Variants in CAMTA1 observed in about 807,000 individuals in gnomAD.
CAMTA1 encodes calmodulin-binding transcription activator 1.
In CAMTA1, 27 loss-of-function variants were observed where a neutral mutation model predicts 170.9. The observed-to-expected ratio is 0.16, with a 90% CI of 0.12 to 0.22. The LOEUF (loss-of-function observed/expected upper bound fraction) is 0.22. CAMTA1 is among the 10% of genes least tolerant of loss of function. CAMTA1 has a pLI of 1.00. For missense variants in CAMTA1, 1,619 were observed against 2,217.2 expected, an observed-to-expected ratio of 0.73 and a Z score of 5.42; for synonymous variants, 833 against 891.5, an observed-to-expected ratio of 0.93 and a Z score of 1.17.
At chr1:6,968,533 A>C (rs1004051625) in intron 3 of CAMTA1, among the ~76,000 whole-genome samples, 1 of 152,098 alleles carries the variant, frequency 6.6e-6, no homozygotes, top group African/African-American at 2.4e-5. Flanking sequence ...TGGGCAGTGC[A>C]TATGGTCCTT....
At chr1:7,312,751 CTTTA>C (rs1037871662) in intron 5 of CAMTA1, among the ~76,000 whole-genome samples, 85 of 152,230 alleles carry the variant, frequency 5.6e-4, no homozygotes, top group African/African-American at 2.0e-3. Context: ...TCTTTGATGG[CTTTA>C]TTTATTTATT....
chr1:7,095,043 C>T (rs914267773), intron 4 of CAMTA1, among the ~76,000 whole-genome samples: 3 of 152,022 alleles, frequency 2.0e-5, no homozygotes, highest in Non-Finnish European at 2.9e-5. Flanking sequence ...AGTTTAGTCT[C>T]ACCCCCACCC....
At chr1:6,915,591 G>A (rs1680605740) in intron 3 of CAMTA1, among the ~76,000 whole-genome samples, 1 of 152,318 alleles carries the variant, frequency 6.6e-6, no homozygotes, top group South Asian at 2.1e-4. Context: ...AGTGGACAAC[G>A]TGGTCTAGAA....
chr1:6,978,689 T>TAC (rs2149628302), intron 3 of CAMTA1, among the ~76,000 whole-genome samples: 1 of 149,932 alleles, frequency 6.7e-6, no homozygotes. Flanking sequence ...ATATTATAGA[T>TAC]ATATATATAT....
At chr1:6,884,842 G>T (rs1307153226) in intron 3 of CAMTA1, among the ~76,000 whole-genome samples, 1 of 152,234 alleles carries the variant, frequency 6.6e-6, no homozygotes, top group Non-Finnish European at 1.5e-5. Flanking sequence ...CTAGGAGCAT[G>T]TAGAGACTCT....
chr1:6,807,203 C>T (rs1366208539), intron 1 of CAMTA1: 6 of 445,252 alleles, frequency 1.3e-5, no homozygotes, highest in African/African-American at 3.9e-5. Context: ...GAGAAAAGTT[C>T]CAGGTAATTG....
intron 3 of CAMTA1, among the ~76,000 whole-genome samples, chr1:6,891,443 T>C (rs1216529465): frequency 6.6e-6 from 1 of 152,242 alleles, no homozygotes; most frequent in Non-Finnish European, 1.5e-5. Context: ...TGGTTTTAGC[T>C]TGCCCTGTGT....
intron 10 of CAMTA1, 114 bp from the exon 11 acceptor site, chr1:7,677,485 C>G: frequency 8.3e-7 from 1 of 1,202,406 alleles, no homozygotes; most frequent in Non-Finnish European, 1.2e-6. Context: ...TTAAGGAGAG[C>G]TGGACATTAA....
At chr1:7,432,275 A>G (rs2092195718) in intron 5 of CAMTA1, among the ~76,000 whole-genome samples, 1 of 152,164 alleles carries the variant, frequency 6.6e-6, no homozygotes, top group Non-Finnish European at 1.5e-5. Context: ...ACCCAGAAAC[A>G]GGCCCAGAGA....
intron 3 of CAMTA1, among the ~76,000 whole-genome samples, chr1:7,037,906 G>A (rs867872933): frequency 1.4e-5 from 2 of 138,530 alleles, no homozygotes; most frequent in South Asian, 4.7e-4. Flanking sequence ...ATATATATTG[G>A]TTTGATCTTT....
rs574241106 is a variant in CAMTA1 at position 6,962,185 on chromosome 1, G to A, written c.235-129119G>A. ...GTGCTCCGAGTGCCAGATACATGGT[G>A]GACCCCGACAAGGCACGCAGGTCTC... is the stretch of plus-strand genomic sequence containing the variant. On this transcript the variant is annotated intron_variant, in intron 3 of 22. Transcript: ENST00000303635. 3.9e-5 allele frequency among the ~76,000 whole-genome samples: 6 copies of A among 152,326 alleles called. No homozygotes were observed. In the South Asian group the frequency reaches 8.3e-4, roughly 21 times the overall value.
chr1:7,347,309 C>T (rs2084296846), intron 5 of CAMTA1, among the ~76,000 whole-genome samples: 2 of 152,182 alleles, frequency 1.3e-5, no homozygotes, highest in African/African-American at 4.8e-5. Context: ...AAAGGAGAGC[C>T]AAGCTCCGGA....
At chr1:7,363,037 G>A (rs140370667) in intron 5 of CAMTA1, among the ~76,000 whole-genome samples, 2 of 152,330 alleles carry the variant, frequency 1.3e-5, no homozygotes, top group Non-Finnish European at 2.9e-5. Flanking sequence ...CTTCTAGCTC[G>A]CAGAGGTGCT....
intron 6 of CAMTA1, among the ~76,000 whole-genome samples, chr1:7,552,564 A>G (rs1384232279): frequency 6.6e-6 from 1 of 152,256 alleles, no homozygotes; most frequent in Non-Finnish European, 1.5e-5. Flanking sequence ...GAAGTCCAGA[A>G]GCTGGCTCGC....
chr1:7,651,303 C>T (rs189161129), intron 7 of CAMTA1, among the ~76,000 whole-genome samples: 4 of 152,328 alleles, frequency 2.6e-5, no homozygotes, highest in East Asian at 3.9e-4. Context: ...CACTGCCCCT[C>T]GTCCTTGCCA....
At chr1:7,467,015 C>T (rs544767965) in intron 5 of CAMTA1, among the ~76,000 whole-genome samples, 1 of 152,110 alleles carries the variant, frequency 6.6e-6, no homozygotes, top group East Asian at 1.9e-4. Flanking sequence ...CACACGCAGG[C>T]AGCACCAGAG....
chr1:7,019,054 C>T (rs1171612904), intron 3 of CAMTA1, among the ~76,000 whole-genome samples: 1 of 152,212 alleles, frequency 6.6e-6, no homozygotes, highest in Non-Finnish European at 1.5e-5. Context: ...GGGTGGATGC[C>T]CGCATGCCTT....
intron 3 of CAMTA1, among the ~76,000 whole-genome samples, chr1:6,982,896 C>T (rs1337408282): frequency 6.6e-6 from 1 of 152,144 alleles, no homozygotes; most frequent in Non-Finnish European, 1.5e-5. Context: ...CAATGCAGGA[C>T]AATTGGGCCT....
rs1276991066 is a variant in CAMTA1 at position 7,698,987 on chromosome 1, ACT to A, written c.2914+21258_2914+21259del. 2.6e-5 allele frequency: 4 copies of A among 151,454 alleles called. No homozygotes were observed. The East Asian group carries it at 7.8e-4, about 30-fold the overall frequency. 9.4% of individuals were successfully genotyped at this position (151,454 alleles called of 1,614,324 possible). On this transcript the variant is annotated intron_variant, in intron 11 of 22. Coordinates refer to ENST00000303635, the MANE Select transcript of CAMTA1 (RefSeq NM_015215.4). Reference sequence around the variant, plus strand: ...ACTCACTGGGAGGATCGGCCATCAGACTCTCCTGACCTGGGCCTAGCTTTTTC... The same window carrying A: ...ACTCACTGGGAGGATCGGCCATCAGACTCCTGACCTGGGCCTAGCTTTTTC...
Sources: allele counts gnomAD v4.1 joint callset (sites outside exome capture counted in the v4.1 genomes callset), GRCh38; gene constraint gnomAD v4.1.1; transcripts MANE v1.5; gene names NCBI Gene and HGNC (gene_info 2026-07-23, HGNC 2026-07-21).